Variants in SIM2 observed in about 807,000 individuals in gnomAD.
The protein encoded by SIM2 is single-minded homolog 2.
A neutral mutation model predicts 64.8 loss-of-function variants in SIM2; 28 were observed. The ratio of observed to expected loss-of-function variants is 0.43; its 90% CI spans 0.32 to 0.59. The LOEUF is 0.59. SIM2 is among the 20% of genes least tolerant of loss of function. The pLI, the probability that SIM2 is intolerant of heterozygous loss-of-function variation, is 0.07. For missense variants in SIM2, 847 were observed against 871.4 expected (o/e 0.97, Z 0.35); for synonymous variants, 408 against 391.1 (o/e 1.04, Z -0.51).
chr21:36,720,967 G>C (rs970074020), intron 4 of SIM2, among the ~76,000 whole-genome samples: 1 of 152,176 alleles, frequency 6.6e-6, no homozygotes, highest in African/African-American at 2.4e-5. Context: ...ATGAGAATGG[G>C]GTAGCTGGCT....
At chr21:36,724,526 G>A (rs919172007) in intron 5 of SIM2, among the ~76,000 whole-genome samples, 3 of 152,164 alleles carry the variant, frequency 2.0e-5, no homozygotes, top group Non-Finnish European at 4.4e-5. Flanking sequence ...CAATCCTCCT[G>A]CCTTGGCCTC....
At chr21:36,714,181 A>AC (rs928361143) in intron 3 of SIM2, among the ~76,000 whole-genome samples, 5 of 152,204 alleles carry the variant, frequency 3.3e-5, no homozygotes, top group African/African-American at 9.6e-5. Context: ...CTTAAGTTGT[A>AC]CCCAGACTAG....
chr21:36,737,778 GGT>G (rs2123489605), intron 7 of SIM2, among the ~76,000 whole-genome samples: 1 of 151,322 alleles, frequency 6.6e-6, no homozygotes, highest in East Asian at 2.0e-4. Flanking sequence ...TGGCCAACAT[GGT>G]GAAACCCCGT....
intron 9 of SIM2, 57 bp downstream of exon 9, chr21:36,743,612 C>A: frequency 6.7e-7 from 1 of 1,484,178 alleles, no homozygotes. Context: ...GGGTTCGGGA[C>A]ACCTGGACAC....
Position 36,731,071 on chromosome 21 carries a change from C to T in SIM2, c.770C>T (p.Pro257Leu), listed in dbSNP as rs554792457. 13 of 1,614,074 alleles carry T rather than the reference C, an allele frequency of 8.1e-6. No homozygotes were observed. Among genetic ancestry groups the T allele is most frequent in the South Asian group, 2.2e-5 (2 of 91,078 alleles). ...SRVTEVTGYE[P>L]QDLIEKTLYH... Reference sequence around the variant, plus strand: ...GTGACCGAGGTGACGGGGTACGAGCCGCAGGACCTGATCGAGAAGACCCTA... The same window carrying T: ...GTGACCGAGGTGACGGGGTACGAGCTGCAGGACCTGATCGAGAAGACCCTA... The change falls in exon 7 of 11, where the codon CCG (proline) becomes CTG (leucine). Residue 257 changes from proline to leucine, a missense_variant. By Grantham distance (98) the Pro-to-Leu change is moderately conservative (BLOSUM62 -3). Coordinates refer to ENST00000290399, the MANE Select transcript of SIM2 (RefSeq NM_005069.6).
At chr21:36,729,046 T>A (rs2123470047) in intron 6 of SIM2, among the ~76,000 whole-genome samples, 1 of 152,330 alleles carries the variant, frequency 6.6e-6, no homozygotes, top group East Asian at 1.9e-4. Context: ...ACTAGAGGCT[T>A]GGAAAAAACC....
chr21:36,735,249 G>T (rs761242428), intron 7 of SIM2, among the ~76,000 whole-genome samples: 1 of 152,156 alleles, frequency 6.6e-6, no homozygotes, highest in African/African-American at 2.4e-5. Flanking sequence ...GGCCTCAGTG[G>T]GGGAGAACAG....
intron 5 of SIM2, among the ~76,000 whole-genome samples, chr21:36,725,300 G>A (rs1339703720): frequency 6.6e-6 from 1 of 152,164 alleles, no homozygotes; most frequent in African/African-American, 2.4e-5. Flanking sequence ...CAGTGAGCCT[G>A]ATTGCACTAC....
chr21:36,736,952 G>T, intron 7 of SIM2, among the ~76,000 whole-genome samples: 1 of 147,912 alleles, frequency 6.8e-6, no homozygotes, highest in African/African-American at 2.5e-5. Context: ...TTAGAGACAG[G>T]GTCTCACTCT....
intron 7 of SIM2, among the ~76,000 whole-genome samples, chr21:36,734,626 G>T (rs1300386855): frequency 6.6e-6 from 1 of 152,212 alleles, no homozygotes; most frequent in Non-Finnish European, 1.5e-5. Flanking sequence ...GATAGTCTCA[G>T]ATGATGGGGA....
At position 36,726,149 on chromosome 21, in the gene SIM2, A is replaced by G. The variant is rs774302700; in HGVS notation, c.574A>G (p.Arg192Gly). Reference sequence around the variant, plus strand: ...CCACTGCAGTGGCTACTTGAAGATCAGGCAGTATATGCTGGACATGTCCCT... The same window carrying G: ...CCACTGCAGTGGCTACTTGAAGATCGGGCAGTATATGCTGGACATGTCCCT... ...VIHCSGYLKI[R>G]QYMLDMSLYD... Residue 192 changes from arginine to glycine, a missense_variant, in exon 6 of 11, where the codon AGG becomes GGG. By Grantham distance (125) the Arg-to-Gly change is moderately radical. Coordinates refer to ENST00000290399, the MANE Select transcript of SIM2 (RefSeq NM_005069.6). The surrounding 1 kb of genome is among the most constrained non-coding windows in gnomAD (Gnocchi z 4.5). 7 of 1,613,792 alleles carry G rather than the reference A, an allele frequency of 4.3e-6. No homozygotes were observed. The highest frequency in any genetic ancestry group is 5.9e-6 in the Non-Finnish European group (7 of 1,180,036).
At chr21:36,743,657 G>A (rs1213539885) in intron 9 of SIM2, 102 bp downstream of exon 9, 6 of 1,156,420 alleles carry the variant, frequency 5.2e-6, no homozygotes, top group Non-Finnish European at 7.4e-6. Context: ...TGCACAGCAG[G>A]GATCTCCCTG....
chr21:36,719,678 C>T (rs919474972), intron 3 of SIM2, 143 bp from the exon 4 acceptor site: 8 of 623,416 alleles, frequency 1.3e-5, no homozygotes, highest in South Asian at 1.9e-5. Flanking sequence ...AAAACTGTTT[C>T]TGCGTTTGGC....
chr21:36,724,069 G>A (rs1289440907), intron 5 of SIM2, among the ~76,000 whole-genome samples: 1 of 152,262 alleles, frequency 6.6e-6, no homozygotes, highest in African/African-American at 2.4e-5. Context: ...GATGGGGTGA[G>A]AGGAAAGGGC....
Position 36,699,885 on chromosome 21 carries a change from A to T in SIM2, c.139A>T (p.Thr47Ser), listed in dbSNP as rs2088461227. 6.2e-7 allele frequency: 1 copy of T among 1,607,338 alleles called. No homozygotes were observed. Among genetic ancestry groups the T allele is most frequent in the Non-Finnish European group, 8.5e-7 (1 of 1,177,140 alleles). The change falls in exon 1 of 11, where the codon ACG becomes TCG. Residue 47 changes from threonine (T) to serine (S), a missense_variant. Coordinates refer to ENST00000290399, the MANE Select transcript of SIM2 (RefSeq NM_005069.6). The surrounding 1 kb of genome is among the most constrained non-coding windows in gnomAD (Gnocchi z 5.6). ...LDKASIIRLT[T>S]SYLKMRAVFP... ...CAAAGCGTCCATCATCCGCCTCACC[A>T]CGAGCTACCTGAAGATGCGCGCCGT... is the stretch of plus-strand genomic sequence containing the variant.
Position 36,710,942 on chromosome 21 carries a change from G to A in SIM2, c.259-1591G>A, listed in dbSNP as rs4817816. ...TATTATAAGTGACACTAATATCAGG[G>A]ACAACTAAGTGCTGGGGAACTTCAA... On this transcript the variant is annotated intron_variant, in intron 2 of 10. Transcript: ENST00000290399. Among the ~76,000 whole-genome samples, 687 of 152,264 alleles carry A rather than the reference G, an allele frequency of 4.5e-3. 10 individuals carry two copies. The highest frequency in any genetic ancestry group is 0.04 in the Admixed American group (607 of 15,292).
In SIM2 at chr21:36,719,945, G is replaced by C; in HGVS notation, c.457+16G>C. The C allele has an allele frequency of 1.3e-6, 2 of 1,508,244 alleles. No homozygotes were observed. Among genetic ancestry groups the C allele is most frequent in the Non-Finnish European group, 1.8e-6 (2 of 1,094,636 alleles). The allele number at this position is 1,508,244 out of a possible 1,614,324, so 93.4% of individuals were successfully genotyped here. A position where few individuals can be genotyped will look rare whatever the true frequency, so the allele number is the denominator to read the frequency against. ...CTGCTCCAAGGTATTCCATCCAGAG[G>C]GAAAAAAAAAAACAGACTAAAAGCA... On this transcript the variant is annotated intron_variant, in intron 4 of 10. Coordinates refer to ENST00000290399, the MANE Select transcript of SIM2 (RefSeq NM_005069.6).
At chr21:36,734,292 G>C (rs2089014603) in intron 7 of SIM2, among the ~76,000 whole-genome samples, 1 of 152,178 alleles carries the variant, frequency 6.6e-6, no homozygotes, top group Non-Finnish European at 1.5e-5. Flanking sequence ...TATCTCACAG[G>C]AAGTTTCCAG....
chr21:36,709,586 G>A (rs1026215470), intron 2 of SIM2: 8 of 449,076 alleles, frequency 1.8e-5, no homozygotes, highest in Non-Finnish European at 3.0e-5. Flanking sequence ...CCCAGCGCTT[G>A]CTCTGTGCCA....
Sources: gnomAD v4.1 joint callset for allele counts (sites outside exome capture counted in the v4.1 genomes callset) on GRCh38, gnomAD v4.1.1 for gene constraint, Gnocchi (gnomAD v3.1) non-coding constraint, MANE v1.5 for transcripts, NCBI Gene and HGNC (gene_info 2026-07-23, HGNC 2026-07-21) for gene names.